Variants in WWC2 observed in about 807,000 individuals in gnomAD.
WWC2 encodes the protein WW and C2 domain containing 2.
In WWC2, 101 loss-of-function variants were observed where a neutral mutation model predicts 138.5. That is an observed-to-expected ratio of 0.73 (90% CI 0.62 to 0.86). The LOEUF is 0.86. Ranked by LOEUF, WWC2 falls within the 40% of genes least tolerant of loss-of-function variation. The pLI is 0.00. For synonymous variants in WWC2, 558 were observed against 538.4 expected (o/e 1.04, Z -0.50); for missense variants, 1,420 against 1,419.4 (o/e 1.00, Z -0.01).
chr4:183,110,903 C>T (rs554817859), intron 1 of WWC2, among the ~76,000 whole-genome samples: 8 of 151,824 alleles, frequency 5.3e-5, no homozygotes, highest in South Asian at 4.2e-4. Flanking sequence ...CAGAGGTAAA[C>T]GTTGAATTAT....
At chr4:183,265,835 C>T (rs768107878) in intron 13 of WWC2, 30 bp from the exon 14 acceptor site, 31 of 1,609,996 alleles carry the variant, frequency 1.9e-5, no homozygotes, top group Non-Finnish European at 2.5e-5. Context: ...TGTGGTGATT[C>T]CTGACTTCAT....
chr4:183,263,759 T>A (rs1436549900), intron 11 of WWC2, among the ~76,000 whole-genome samples: 1 of 152,052 alleles, frequency 6.6e-6, no homozygotes, highest in Admixed American at 6.6e-5. Context: ...AGACCTTGTC[T>A]CAAAAAAAGG....
At chr4:183,249,843 C>G in intron 7 of WWC2, 77 bp from the exon 8 acceptor site, 1 of 1,213,876 alleles carries the variant, frequency 8.2e-7, no homozygotes, top group East Asian at 2.5e-5. Flanking sequence ...ATTACACATA[C>G]TTCCCAGAAA....
intron 1 of WWC2, among the ~76,000 whole-genome samples, chr4:183,144,969 A>G (rs1318821907): frequency 6.6e-6 from 1 of 152,348 alleles, no homozygotes; most frequent in East Asian, 1.9e-4. Flanking sequence ...TCTGACAGAA[A>G]TCACAACCTA....
chr4:183,103,841 G>A (rs551591586), intron 1 of WWC2, among the ~76,000 whole-genome samples: 219 of 149,280 alleles, frequency 1.5e-3, no homozygotes, highest in Non-Finnish European at 2.5e-3. Context: ...TCACCATGTT[G>A]GCCAGGATGA....
chr4:183,110,958 G>A (rs1732212143), intron 1 of WWC2, among the ~76,000 whole-genome samples: 2 of 152,122 alleles, frequency 1.3e-5, no homozygotes, highest in African/African-American at 4.8e-5. Flanking sequence ...TGATTTACAG[G>A]GCTGGGCTCG....
In WWC2 at chr4:183,269,096, C is replaced by G. The variant is rs184781672; in HGVS notation, c.2333C>G (p.Ala778Gly). 6.8e-6 allele frequency: 11 copies of G among 1,613,934 alleles called. No individual in the cohort carries two copies. The South Asian group carries it at 1.2e-4, about 18-fold the overall frequency. Residue 778 changes from alanine (A) to glycine (G), a missense_variant, in exon 15 of 23, where the codon GCC becomes GGC. Physicochemically the swap from Ala to Gly is moderately conservative, Grantham distance 60. Coordinates refer to ENST00000403733, the MANE Select transcript of WWC2 (RefSeq NM_024949.6). ...DVFRVAISQT[A>G]LQQKTLRVDL... ...TTCAGAGTCGCCATTTCCCAAACAG[C>G]CTTACAACAGAAGACACTGAGGGTA...
At chr4:183,179,726 G>T (rs1263333882) in intron 1 of WWC2, among the ~76,000 whole-genome samples, 1 of 152,080 alleles carries the variant, frequency 6.6e-6, no homozygotes, top group African/African-American at 2.4e-5. Flanking sequence ...TGAGTTGTTT[G>T]ATGTGGCCAT....
chr4:183,268,837 G>T (rs1386354873), intron 14 of WWC2, 134 bp from the exon 15 acceptor site: 16 of 998,558 alleles, frequency 1.6e-5, no homozygotes, highest in Non-Finnish European at 2.1e-5. Context: ...ACCCGTGATG[G>T]CAGCAACACT....
intron 1 of WWC2, among the ~76,000 whole-genome samples, chr4:183,121,912 A>C (rs568446806): frequency 1.3e-5 from 2 of 151,442 alleles, no homozygotes; most frequent in East Asian, 3.9e-4. Flanking sequence ...CAGCTTCCCG[A>C]GTAGCTGGGA....
chr4:183,279,600 T>C (rs939918801), intron 16 of WWC2, among the ~76,000 whole-genome samples: 1 of 152,182 alleles, frequency 6.6e-6, no homozygotes, highest in African/African-American at 2.4e-5. Context: ...TGAATCCATC[T>C]GGTCCTGGAC....
chr4:183,224,504 T>C (rs1041515294), intron 4 of WWC2, among the ~76,000 whole-genome samples: 1 of 152,204 alleles, frequency 6.6e-6, no homozygotes. Flanking sequence ...CATATCTCTG[T>C]CTAGCACCTG....
chr4:183,195,547 A>G (rs1735116046), intron 2 of WWC2, among the ~76,000 whole-genome samples: 1 of 152,172 alleles, frequency 6.6e-6, no homozygotes, highest in African/African-American at 2.4e-5. Flanking sequence ...TATCTTTACT[A>G]GTTATTTCCT....
At chr4:183,297,263 A>T (rs1026515626) in intron 21 of WWC2, among the ~76,000 whole-genome samples, 1 of 151,574 alleles carries the variant, frequency 6.6e-6, no homozygotes, top group Non-Finnish European at 1.5e-5. Flanking sequence ...GTGAGCCACC[A>T]CACCCAGCCT....
rs182215415 is a variant in WWC2 at position 183,138,600 on chromosome 4, G to A, written c.131+38978G>A. Among the ~76,000 whole-genome samples, 1,014 of 152,176 alleles carry A rather than the reference G, an allele frequency of 6.7e-3. 16 individuals are homozygous for A. The highest frequency in any genetic ancestry group is 0.023 in the African/African-American group (961 of 41,498). ...GTCTGCAAAGCTGAACATATTTATC[G>A]TATGGTCCTTTATATAAAACTTTGC... On this transcript the variant is annotated intron_variant, in intron 1 of 22. Coordinates refer to ENST00000403733, the MANE Select transcript of WWC2 (RefSeq NM_024949.6).
In WWC2 at chr4:183,104,270, A is replaced by G. The variant is rs567252975; in HGVS notation, c.131+4648A>G. ...TTACTGCTTTTTGAATCCTTTATAC[A>G]TGGTATGTTAAATAAATGTTGGTTA... On this transcript the variant is annotated intron_variant, in intron 1 of 22. Transcript: ENST00000403733. Among the ~76,000 whole-genome samples the G allele has an allele frequency of 8.2e-4, 125 of 152,178 alleles. 2 individuals are homozygous for G. Among genetic ancestry groups the G allele is most frequent in the Non-Finnish European group, 1.1e-3 (74 of 68,040 alleles).
chr4:183,240,301 C>T, intron 5 of WWC2, 39 bp downstream of exon 5: 1 of 1,439,898 alleles, frequency 6.9e-7, no homozygotes, highest in Non-Finnish European at 9.4e-7. Context: ...AGAATAAGCT[C>T]CCTAACTAGT....
chr4:183,224,792 C>T (rs1206033163), intron 4 of WWC2, among the ~76,000 whole-genome samples: 1 of 152,162 alleles, frequency 6.6e-6, no homozygotes, highest in Non-Finnish European at 1.5e-5. Flanking sequence ...AACTCCTGAC[C>T]TCAAGTGATC....
intron 1 of WWC2, among the ~76,000 whole-genome samples, chr4:183,136,819 A>G (rs1733130023): frequency 6.6e-6 from 1 of 152,202 alleles, no homozygotes; most frequent in Non-Finnish European, 1.5e-5. Context: ...TGGCCCAGGG[A>G]AACCAAAAGA....
Sources: gnomAD v4.1 joint callset for allele counts (sites outside exome capture counted in the v4.1 genomes callset) on GRCh38, gnomAD v4.1.1 for gene constraint, MANE v1.5 for transcripts, NCBI Gene and HGNC (gene_info 2026-07-23, HGNC 2026-07-21) for gene names.